ANGEL1: variants seen among roughly 807,000 people sequenced by gnomAD.
ANGEL1 encodes RNA 2',3'-cyclic phosphatase ANGEL1.
A neutral mutation model predicts 76.4 loss-of-function variants in ANGEL1; 62 were observed. The observed-to-expected ratio is 0.81, with a 90% CI of 0.66 to 1.00. The LOEUF (loss-of-function observed/expected upper bound fraction) is 1.00, where lower values mean the gene tolerates loss of function less well. Among genes scored for constraint, ANGEL1 ranks in the 50% least tolerant of loss-of-function variants. ANGEL1 has a pLI of 0.00. For missense variants in ANGEL1, 737 were observed against 836.7 expected, an observed-to-expected ratio of 0.88 and a Z score of 1.47; for synonymous variants, 340 against 331.7, an observed-to-expected ratio of 1.03 and a Z score of -0.27.
intron 9 of ANGEL1, 57 bp downstream of exon 9, chr14:76,790,554 C>T: frequency 1.3e-6 from 2 of 1,560,356 alleles, no homozygotes; most frequent in Non-Finnish European, 8.7e-7. Flanking sequence ...GCCTGACCTA[C>T]CATTAGCTGT....
At chr14:76,804,761 G>C (rs934671450) in intron 5 of ANGEL1, among the ~76,000 whole-genome samples, 1 of 152,206 alleles carries the variant, frequency 6.6e-6, no homozygotes, top group Non-Finnish European at 1.5e-5. Context: ...TGTAATCCTA[G>C]CACTTTGGGA....
chr14:76,811,902 A>G (rs1382705746), intron 1 of ANGEL1, among the ~76,000 whole-genome samples: 5 of 152,176 alleles, frequency 3.3e-5, no homozygotes, highest in African/African-American at 9.7e-5. Flanking sequence ...TTGCGTACCA[A>G]TTGTGTAAAG....
At chr14:76,792,373 G>C (rs1246635265) in intron 7 of ANGEL1, among the ~76,000 whole-genome samples, 1 of 151,858 alleles carries the variant, frequency 6.6e-6, no homozygotes, top group Non-Finnish European at 1.5e-5. Flanking sequence ...CCAAAAAAAA[G>C]AGGAGACACT....
chr14:76,811,521 G>A (rs948949031), intron 1 of ANGEL1, among the ~76,000 whole-genome samples: 4 of 47,044 alleles, frequency 8.5e-5, no homozygotes, highest in East Asian at 8.2e-4. Context: ...GTGTAGGTGG[G>A]GGGGCGGGGG....
At position 76,803,834 on chromosome 14, in the gene ANGEL1, T is replaced by C. The variant is rs201569300; in HGVS notation, c.1459A>G (p.Ile487Val). 301 of 1,614,218 alleles carry C rather than the reference T, an allele frequency of 1.9e-4. 3 individuals are homozygous for C. In the East Asian group the frequency reaches 6.5e-3, roughly 35 times the overall value. ...QAPLWPSSLG[I>V]TDCCQYVTSC... ...GTGACATACTGACAGCAATCAGTGA[T>C]GCCCAGGGAGCTGGGCCACAGTGGG... The change falls in exon 6 of 10, where the codon ATC becomes GTC. Residue 487 changes from isoleucine to valine, a missense_variant. Transcript: ENST00000251089.
In ANGEL1 at chr14:76,809,618, A is replaced by AT; in HGVS notation, c.89dup (p.Asn30LysfsTer24). 6.2e-7 allele frequency: 1 copy of AT among 1,613,136 alleles called. No individual in the cohort carries two copies. The highest frequency in any genetic ancestry group is 1.3e-5 in the African/African-American group (1 of 74,978). ...GGGATGAGCTGTTCGCCAGAAGGAC[A>AT]TTTTTTCGACATGTGAAGAAAGCAT... On this transcript the variant is annotated frameshift_variant, in exon 2 of 10. Transcript: ENST00000251089. LOFTEE classifies it high-confidence loss of function.
intron 7 of ANGEL1, among the ~76,000 whole-genome samples, chr14:76,801,460 A>G (rs935543891): frequency 6.6e-6 from 1 of 152,282 alleles, no homozygotes. Context: ...CTGAAAATTC[A>G]CATCTTTTCG....
chr14:76,795,760 C>A (rs960531838), intron 7 of ANGEL1, among the ~76,000 whole-genome samples: 85 of 152,258 alleles, frequency 5.6e-4, no homozygotes, highest in African/African-American at 2.0e-3. Context: ...TTTTCCATTT[C>A]TTTTGCACTT....
At position 76,787,970 on chromosome 14, in the gene ANGEL1, C is replaced by G. The variant is rs1369907634; in HGVS notation, c.*1258G>C. ...AGCAGACGCAACAAGCAGCTGAGGC[C>G]TTGCTGGACAGAGCCAATCCGCAAG... On this transcript the variant is annotated 3_prime_UTR_variant, in exon 10 of 10. Coordinates refer to ENST00000251089, the MANE Select transcript of ANGEL1 (RefSeq NM_015305.4). 1.3e-5 allele frequency: 2 copies of G among 152,518 alleles called. No individual in the cohort carries two copies. The highest frequency in any genetic ancestry group is 2.9e-5 in the Non-Finnish European group (2 of 68,086). The allele number at this position is 152,518 out of a possible 1,614,324, so 9.4% of individuals were successfully genotyped here. A position where few individuals can be genotyped will look rare whatever the true frequency, so the allele number is the denominator to read the frequency against.
At chr14:76,810,859 C>A (rs1480567792) in intron 1 of ANGEL1, among the ~76,000 whole-genome samples, 1 of 152,232 alleles carries the variant, frequency 6.6e-6, no homozygotes, top group African/African-American at 2.4e-5. Flanking sequence ...ACAACTCCTA[C>A]ACTCACACAC....
chr14:76,809,663 AC>A lies in ANGEL1; in HGVS notation c.65-21del. The A allele has an allele frequency of 6.3e-7, 1 of 1,598,878 alleles. No individual in the cohort carries two copies. Among genetic ancestry groups the A allele is most frequent in the Non-Finnish European group, 8.5e-7 (1 of 1,169,622 alleles). ...AAGCATCTAGGAGGAAAGCCAAAAT[AC>A]CAGGTTATAAGACTGTCATCCAACC... On this transcript the variant is annotated intron_variant, in intron 1 of 9. Transcript: ENST00000251089.
At chr14:76,800,266 A>G (rs1228066675) in intron 7 of ANGEL1, among the ~76,000 whole-genome samples, 1 of 152,224 alleles carries the variant, frequency 6.6e-6, no homozygotes, top group African/African-American at 2.4e-5. Context: ...TTATAATCCT[A>G]AATCACTGAG....
intron 5 of ANGEL1, among the ~76,000 whole-genome samples, chr14:76,805,623 C>T (rs911459504): frequency 1.3e-5 from 2 of 152,162 alleles, no homozygotes; most frequent in African/African-American, 4.8e-5. Context: ...GTCATCAACA[C>T]TCAACAGTTA....
At chr14:76,809,775 G>T in intron 1 of ANGEL1, 132 bp from the exon 2 acceptor site, 1 of 721,444 alleles carries the variant, frequency 1.4e-6, no homozygotes, top group Non-Finnish European at 2.3e-6. Flanking sequence ...CACTGAGCCT[G>T]CCTACCTTAA....
At chr14:76,789,524 G>A in intron 9 of ANGEL1, 136 bp from the exon 10 acceptor site, 3 of 894,670 alleles carry the variant, frequency 3.4e-6, no homozygotes, top group Admixed American at 5.4e-5. Context: ...ACCTCCTCTT[G>A]CAGCATCTGG....
chr14:76,809,331 G>T lies in ANGEL1; in HGVS notation c.377C>A (p.Pro126His). 3 of 1,614,224 alleles carry T rather than the reference G, an allele frequency of 1.9e-6. No individual in the cohort carries two copies. The highest frequency in any genetic ancestry group is 2.5e-6 in the Non-Finnish European group (3 of 1,180,036). The change falls in exon 2 of 10, where the codon CCT becomes CAT. Residue 126 changes from proline to histidine, a missense_variant. By Grantham distance (77) the Pro-to-His change is moderately conservative (BLOSUM62 -2). Around this residue, in one of 2 missense-constraint regions of ANGEL1, gnomAD observed 441 missense variants for 449.5 expected, o/e 0.98. Transcript: ENST00000251089. ...CTCCTCTCCTAGCATCTCAGGGAAA[G>T]GCTCATCCAGGTTCTCTGCAGCCCG... is the stretch of plus-strand genomic sequence containing the variant. ...DLRAAENLDEPFPEMLGEEPL... is the reference protein window; with the variant it reads ...DLRAAENLDEHFPEMLGEEPL...
chr14:76,803,580 G>T, intron 6 of ANGEL1, 99 bp from the exon 7 acceptor site: 1 of 1,349,358 alleles, frequency 7.4e-7, no homozygotes, highest in Non-Finnish European at 1.0e-6. Flanking sequence ...GTACACAGAG[G>T]AAGCATTCAG....
In ANGEL1 at chr14:76,792,102, T is replaced by C. The variant is rs142339494; in HGVS notation, c.1619-736A>G. Among the ~76,000 whole-genome samples, 850 of 152,174 alleles carry C rather than the reference T, an allele frequency of 5.6e-3. 3 individuals carry two copies. The highest frequency in any genetic ancestry group is 0.044 in the Middle Eastern group (13 of 294). On this transcript the variant is annotated intron_variant, in intron 7 of 9. Transcript: ENST00000251089. ...CCACCAACCATTTAGAAATAAAAAA[T>C]AACTATAAGTGAATGCTATAAATAA...
chr14:76,794,739 A>G lies in ANGEL1; in HGVS notation c.1619-3373T>C, dbSNP rs942967361. On this transcript the variant is annotated intron_variant, in intron 7 of 9. Coordinates refer to ENST00000251089, the MANE Select transcript of ANGEL1 (RefSeq NM_015305.4). ...TATTCTTCCTGTTAGATTTATTTCT[A>G]TATTTTTTCTTTTTGTTGCTCTTAC... Among the ~76,000 whole-genome samples the G allele has an allele frequency of 9.7e-5, 14 of 144,238 alleles. No individual in the cohort carries two copies. The South Asian group carries it at 3.0e-3, about 31-fold the overall frequency. The allele number at this position is 144,238 out of a possible 152,430, so 94.6% of individuals were successfully genotyped here. A position where few individuals can be genotyped will look rare whatever the true frequency, so the allele number is the denominator to read the frequency against.
Sources: gnomAD v4.1 joint callset for allele counts (sites outside exome capture counted in the v4.1 genomes callset) on GRCh38, gnomAD v4.1.1 for gene constraint, gnomAD v4.1.1 regional missense constraint, MANE v1.5 for transcripts, NCBI Gene and HGNC (gene_info 2026-07-23, HGNC 2026-07-21) for gene names.